SPOCK1: variants seen among roughly 807,000 people sequenced by gnomAD.
SPOCK1 encodes the protein testican-1.
A neutral mutation model predicts 55.3 loss-of-function variants in SPOCK1; 23 were observed. The observed-to-expected ratio is 0.42, with a 90% confidence interval of 0.30 to 0.59. The LOEUF (loss-of-function observed/expected upper bound fraction) is 0.59. Ranked by LOEUF, SPOCK1 falls within the 20% of genes least tolerant of loss-of-function variation. The probability of loss-of-function intolerance (pLI) is 0.22; values close to 1 mark genes in which losing one functional copy is unlikely to be tolerated. For synonymous variants in SPOCK1, 226 were observed against 221.0 expected (o/e 1.02, Z -0.20); for missense variants, 499 against 552.5 (o/e 0.90, Z 0.97).
intron 4 of SPOCK1, among the ~76,000 whole-genome samples, chr5:137,115,904 A>G (rs531162314): frequency 6.6e-6 from 1 of 152,350 alleles, no homozygotes; most frequent in East Asian, 1.9e-4. Flanking sequence ...GCAAGGGACT[A>G]AAATTTTTAA....
At chr5:137,171,956 T>C (rs1028963606) in intron 3 of SPOCK1, among the ~76,000 whole-genome samples, 5 of 152,210 alleles carry the variant, frequency 3.3e-5, no homozygotes, top group African/African-American at 1.2e-4. Flanking sequence ...TCATCTTACA[T>C]ACGAAACCAC....
intron 2 of SPOCK1, among the ~76,000 whole-genome samples, chr5:137,488,768 C>T (rs1035730384): frequency 1.3e-5 from 2 of 152,146 alleles, no homozygotes; most frequent in African/African-American, 2.4e-5. Context: ...TCACAGGCGC[C>T]GACGGACTTT....
At chr5:137,098,822 C>G (rs895689344) in intron 5 of SPOCK1, among the ~76,000 whole-genome samples, 1 of 152,196 alleles carries the variant, frequency 6.6e-6, no homozygotes, top group Non-Finnish European at 1.5e-5. Flanking sequence ...CCCACCAAAG[C>G]AGATTTTCTC....
chr5:137,447,613 C>G (rs879773465), intron 2 of SPOCK1, among the ~76,000 whole-genome samples: 1,774 of 34,338 alleles, frequency 0.052, 21 homozygotes, highest in Admixed American at 0.076. Context: ...ATTCCCCCCC[C>G]CAATATATGA....
intron 3 of SPOCK1, among the ~76,000 whole-genome samples, chr5:137,249,822 T>A (rs1756472152): frequency 6.6e-6 from 1 of 152,184 alleles, no homozygotes; most frequent in African/African-American, 2.4e-5. Flanking sequence ...TTTGACAATC[T>A]TCAAGATAAA....
chr5:137,216,439 A>C (rs1580811943), intron 3 of SPOCK1, among the ~76,000 whole-genome samples: 1 of 152,220 alleles, frequency 6.6e-6, no homozygotes, highest in Non-Finnish European at 1.5e-5. Context: ...GGCCGGGTGC[A>C]GTGGCTCATG....
chr5:137,390,613 A>G (rs556389327), intron 2 of SPOCK1, among the ~76,000 whole-genome samples: 1 of 152,314 alleles, frequency 6.6e-6, no homozygotes, highest in African/African-American at 2.4e-5. Flanking sequence ...GATTGAGAGA[A>G]ACACCAGAGA....
chr5:137,210,310 A>G (rs1041985506), intron 3 of SPOCK1, among the ~76,000 whole-genome samples: 1 of 152,208 alleles, frequency 6.6e-6, no homozygotes. Context: ...AATGCCACCT[A>G]AAGAAGCAGA....
intron 2 of SPOCK1, among the ~76,000 whole-genome samples, chr5:137,316,860 G>A (rs1163330487): frequency 2.0e-5 from 3 of 152,224 alleles, no homozygotes; most frequent in Middle Eastern, 3.4e-3. Context: ...TGTGTTCAGC[G>A]TGGGCCCGCT....
intron 2 of SPOCK1, among the ~76,000 whole-genome samples, chr5:137,416,077 T>C (rs1386913335): frequency 6.6e-6 from 1 of 151,906 alleles, no homozygotes; most frequent in Non-Finnish European, 1.5e-5. Context: ...AAAATAGACA[T>C]GTTACATACA....
intron 3 of SPOCK1, among the ~76,000 whole-genome samples, chr5:137,250,114 C>T (rs887178775): frequency 2.0e-5 from 3 of 152,146 alleles, no homozygotes; most frequent in African/African-American, 7.2e-5. Context: ...TTTCATAACA[C>T]ATGAAAATTT....
intron 2 of SPOCK1, among the ~76,000 whole-genome samples, chr5:137,425,963 GAAAA>G (rs33927619): frequency 2.8e-5 from 3 of 108,960 alleles, no homozygotes; most frequent in Non-Finnish European, 5.7e-5. Context: ...GTACATTACA[GAAAA>G]AAAAAAAAAA....
chr5:137,333,638 A>G (rs1482490491), intron 2 of SPOCK1, among the ~76,000 whole-genome samples: 55 of 152,202 alleles, frequency 3.6e-4, no homozygotes, highest in Non-Finnish European at 8.8e-5. Context: ...ACAGTAAGAG[A>G]TCCTTCAGAA....
chr5:136,979,620 T>C (rs1750688562), intron 9 of SPOCK1, 151 bp from the exon 10 acceptor site: 1 of 977,266 alleles, frequency 1.0e-6, no homozygotes, highest in Admixed American at 2.8e-5. Flanking sequence ...TTAGTCAAAA[T>C]TACAGGGCCC....
chr5:137,302,680 A>C (rs1462717906), intron 2 of SPOCK1, among the ~76,000 whole-genome samples: 1 of 152,216 alleles, frequency 6.6e-6, no homozygotes, highest in South Asian at 2.1e-4. Context: ...TCTCCCATGG[A>C]AATAAACATA....
intron 2 of SPOCK1, among the ~76,000 whole-genome samples, chr5:137,281,231 G>C (rs1460392585): frequency 6.6e-6 from 1 of 152,120 alleles, no homozygotes; most frequent in Non-Finnish European, 1.5e-5. Flanking sequence ...GGAAACTACA[G>C]CCCAGAAAAG....
intron 6 of SPOCK1, among the ~76,000 whole-genome samples, chr5:137,043,432 T>A (rs1752038690): frequency 6.6e-6 from 1 of 152,172 alleles, no homozygotes; most frequent in African/African-American, 2.4e-5. Flanking sequence ...TACCTACTCT[T>A]TAAGTGTAGG....
At chr5:137,135,006 G>A (rs1038374852) in intron 4 of SPOCK1, among the ~76,000 whole-genome samples, 6 of 152,218 alleles carry the variant, frequency 3.9e-5, no homozygotes, top group Admixed American at 3.9e-4. Context: ...GTTAAGAAGT[G>A]GAGATAAAGG....
At chr5:137,495,397 A>G (rs1218293376) in intron 2 of SPOCK1, among the ~76,000 whole-genome samples, 2 of 152,094 alleles carry the variant, frequency 1.3e-5, no homozygotes, top group African/African-American at 4.8e-5. Flanking sequence ...GCTACAATCA[A>G]CTCTCTAAGA....
Sources: gnomAD v4.1 joint callset for allele counts (sites outside exome capture counted in the v4.1 genomes callset) on GRCh38, gnomAD v4.1.1 for gene constraint, MANE v1.5 for transcripts, NCBI Gene and HGNC (gene_info 2026-07-23, HGNC 2026-07-21) for gene names.